ASIC4: variants seen among roughly 807,000 people sequenced by gnomAD.
ASIC4 encodes the protein acid-sensing ion channel 4.
A neutral mutation model predicts 53.4 loss-of-function variants in ASIC4; 28 were observed. The observed-to-expected ratio is 0.52, with a 90% CI of 0.39 to 0.72. The LOEUF (loss-of-function observed/expected upper bound fraction) is 0.72, where lower values mean the gene tolerates loss of function less well. Among genes scored for constraint, ASIC4 ranks in the 30% least tolerant of loss-of-function variants. The pLI, the probability that ASIC4 is intolerant of heterozygous loss-of-function variation, is 0.00. For synonymous variants in ASIC4, 289 were observed against 301.4 expected, an observed-to-expected ratio of 0.96 and a Z score of 0.43; for missense variants, 649 against 729.7, an observed-to-expected ratio of 0.89 and a Z score of 1.27.
At position 219,530,407 on chromosome 2, in the gene ASIC4, G is replaced by A. The variant is rs73993404; in HGVS notation, c.583-1351G>A. On this transcript the variant is annotated intron_variant, in intron 1 of 9. Coordinates refer to ENST00000358078, the MANE Select transcript of ASIC4 (RefSeq NM_018674.6). ...GGAAAAGGGAGCCGGGCTTCTGTGC[G>A]GCAGAGACTGCTCATTCAAGTGTCC... 7.7e-3 allele frequency among the ~76,000 whole-genome samples: 1,176 copies of A among 152,400 alleles called. 16 individuals carry two copies. Among genetic ancestry groups the A allele is most frequent in the African/African-American group, 0.027 (1,113 of 41,590 alleles).
chr2:219,527,813 G>T (rs1694982802), intron 1 of ASIC4, among the ~76,000 whole-genome samples: 1 of 152,260 alleles, frequency 6.6e-6, no homozygotes, highest in Admixed American at 6.5e-5. Flanking sequence ...CGGGATGTTT[G>T]ATAGTGTTTG....
the ASIC4 span, among the ~76,000 whole-genome samples, chr2:219,507,905 A>T: frequency 6.6e-6 from 1 of 152,114 alleles, no homozygotes; most frequent in African/African-American, 2.4e-5. Context: ...TCATAGCTTC[A>T]TAGCCTGGCA....
In ASIC4 at chr2:219,514,482, G is replaced by A. The variant is rs373539816; in HGVS notation, c.-243G>A. On this transcript the variant is annotated 5_prime_UTR_variant, in exon 1 of 10. Transcript: ENST00000358078. ...TAAGGGAAGCCACAAGGAGACGATC[G>A]AGGAGAGAGACAAGCGGCAGCAGAG... 9 of 1,550,586 alleles carry A rather than the reference G, an allele frequency of 5.8e-6. No homozygotes were observed. The highest frequency in any genetic ancestry group is 1.9e-4 in the Middle Eastern group (1 of 5,298).
At chr2:219,535,854 C>A (rs892446276) in intron 6 of ASIC4, among the ~76,000 whole-genome samples, 1 of 149,940 alleles carries the variant, frequency 6.7e-6, no homozygotes, top group Non-Finnish European at 1.5e-5. Context: ...CTCACTGCAA[C>A]CTCGACCTCC....
At chr2:219,522,955 G>A (rs1341713472) in intron 1 of ASIC4, among the ~76,000 whole-genome samples, 3 of 152,148 alleles carry the variant, frequency 2.0e-5, no homozygotes, top group Non-Finnish European at 2.9e-5. Flanking sequence ...AGGGCGGCGA[G>A]GCGCGCGAGC....
In ASIC4 at chr2:219,535,302, A is replaced by C. The variant is rs1366810686; in HGVS notation, c.1207A>C (p.Asn403His). 6.2e-7 allele frequency: 1 copy of C among 1,606,490 alleles called. No homozygotes were observed. Among genetic ancestry groups the C allele is most frequent in the South Asian group, 1.1e-5 (1 of 90,846 alleles). The change falls in exon 6 of 10, where the codon AAC (asparagine) becomes CAC (histidine). Residue 403 changes from asparagine (N) to histidine (H), a missense_variant. By Grantham distance (68) the Asn-to-His change is moderately conservative (BLOSUM62 1). Coordinates refer to ENST00000358078, the MANE Select transcript of ASIC4 (RefSeq NM_018674.6). ...GSARYLARKY[N>H]RNETYIRENF... The stretch of plus-strand genomic sequence containing the variant: ...AGCCCGGTACCTGGCGAGGAAGTAC[A>C]ACCGCAACGAGACCTACATACGGTA...
At chr2:219,524,745 A>G (rs927822959) in intron 1 of ASIC4, among the ~76,000 whole-genome samples, 4 of 152,170 alleles carry the variant, frequency 2.6e-5, no homozygotes, top group Admixed American at 2.6e-4. Context: ...CTGGTAGGAG[A>G]GCCATATCTC....
At chr2:219,509,602 T>C (rs965572234), upstream of ASIC4, among the ~76,000 whole-genome samples, 5 of 151,920 alleles carry the variant, frequency 3.3e-5, no homozygotes, top group African/African-American at 1.2e-4. This position sits in a 1 kb window ranked among gnomAD's most constrained non-coding sequence, Gnocchi z 5.2. Context: ...TGGGCTCTGG[T>C]GTGGAGGGAG....
rs1337126272 is a variant in ASIC4 at position 219,532,881 on chromosome 2, A to G, written c.1019-2A>G. 3 of 1,612,102 alleles carry G rather than the reference A, an allele frequency of 1.9e-6. No individual in the cohort carries two copies. The African/African-American group carries it at 4.0e-5, about 22-fold the overall frequency. The stretch of plus-strand genomic sequence containing the variant: ...TCCAGGAATAATCTTCTCTCCTTTC[A>G]GGCAATGAGACCATCTGCCCACCAA... On this transcript the variant is annotated splice_acceptor_variant, in intron 4 of 9. Coordinates refer to ENST00000358078, the MANE Select transcript of ASIC4 (RefSeq NM_018674.6). LOFTEE classifies it high-confidence loss of function.
upstream of ASIC4, chr2:219,514,201 T>C (rs1312187045): frequency 2.9e-6 from 3 of 1,044,028 alleles, no homozygotes; most frequent in Admixed American, 3.0e-5. Flanking sequence ...CAGCAGGAGT[T>C]TGGGGGATAG....
chr2:219,524,367 G>A (rs1180426074), intron 1 of ASIC4, among the ~76,000 whole-genome samples: 1 of 152,206 alleles, frequency 6.6e-6, no homozygotes. Flanking sequence ...GGCTATGGGT[G>A]GACTCCAGGG....
At position 219,532,131 on chromosome 2, in the gene ASIC4, G is replaced by T; in HGVS notation, c.855+3G>T. ...TTGTGTCCTGCCAGGAACAGCGGGT[G>T]AGCATCTCCTGCTAGGCCCTGGATT... On this transcript the variant is annotated splice_donor_region_variant and intron_variant, in intron 3 of 9. Transcript: ENST00000358078. The T allele has an allele frequency of 6.2e-7, 1 of 1,614,124 alleles. No homozygotes were observed. Among genetic ancestry groups the T allele is most frequent in the Non-Finnish European group, 8.5e-7 (1 of 1,180,022 alleles).
chr2:219,508,045 G>A, the ASIC4 span, among the ~76,000 whole-genome samples: 1 of 152,188 alleles, frequency 6.6e-6, no homozygotes, highest in Non-Finnish European at 1.5e-5. Flanking sequence ...ACACAGTGTG[G>A]GGTTTAGCAG....
Position 219,514,842 on chromosome 2 carries a change from C to T in ASIC4, c.118C>T (p.Arg40Ter), listed in dbSNP as rs1216109042. The change falls in exon 1 of 10, where the codon CGA (arginine) becomes TGA (stop). Residue 40 changes from arginine to a stop codon, truncating the protein, a stop_gained. Transcript: ENST00000358078. LOFTEE classifies it high-confidence loss of function. ...LGAVAPGAAP[R>*]DLATFASTST... ...GGCTGTTGCCCCTGGAGCAGCCCCC[C>T]GAGACCTGGCCACCTTTGCCAGCAC... 3.7e-6 allele frequency: 6 copies of T among 1,613,004 alleles called. No individual in the cohort carries two copies. The highest frequency in any genetic ancestry group is 3.4e-6 in the Non-Finnish European group (4 of 1,179,938).
chr2:219,529,290 C>A (rs1249956326), intron 1 of ASIC4, among the ~76,000 whole-genome samples: 1 of 152,162 alleles, frequency 6.6e-6, no homozygotes, highest in Non-Finnish European at 1.5e-5. Flanking sequence ...CAGATGGATA[C>A]ATAGCAGGGA....
intron 4 of ASIC4, 83 bp from the exon 5 acceptor site, chr2:219,532,800 A>G (rs1391010685): frequency 1.6e-6 from 2 of 1,274,414 alleles, no homozygotes; most frequent in African/African-American, 2.9e-5. Flanking sequence ...ATGTGTGTGC[A>G]TGCATGTATG....
rs11689270 is a variant in ASIC4 at position 219,537,902 on chromosome 2, G to T, written c.1507-31G>T. The T allele has an allele frequency of 0.76, 1,187,354 of 1,557,956 alleles. 454,496 individuals carry two copies. Among genetic ancestry groups the T allele is most frequent in the South Asian group, 0.83 (71,029 of 85,130 alleles). ...CTGGGGGCACCACTTGAGCTCTCCC[G>T]GTCCCACTCTCTCTTTTCTTTCTCC... On this transcript the variant is annotated intron_variant, in intron 9 of 9. Coordinates refer to ENST00000358078, the MANE Select transcript of ASIC4 (RefSeq NM_018674.6). The surrounding 1 kb of genome is among the most constrained non-coding windows in gnomAD (Gnocchi z 4.9).
chr2:219,508,196 G>A, the ASIC4 span, among the ~76,000 whole-genome samples: 1 of 152,188 alleles, frequency 6.6e-6, no homozygotes, highest in African/African-American at 2.4e-5. Flanking sequence ...CAAGGAAGGG[G>A]CTGGGAGAGG....
Position 219,537,330 on chromosome 2 carries a change from C to T in ASIC4, c.1401+9C>T. ...TCGACTACATCTATGAGGCAAGGGCCCTGGAGAAGGCAGGGTGGGAGTGGG... is the reference window on the plus strand; with the variant it reads ...TCGACTACATCTATGAGGCAAGGGCTCTGGAGAAGGCAGGGTGGGAGTGGG... On this transcript the variant is annotated intron_variant, in intron 8 of 9. Coordinates refer to ENST00000358078, the MANE Select transcript of ASIC4 (RefSeq NM_018674.6). The surrounding 1 kb of genome is among the most constrained non-coding windows in gnomAD (Gnocchi z 4.9). The T allele has an allele frequency of 6.2e-7, 1 of 1,610,690 alleles. No individual in the cohort carries two copies. The highest frequency in any genetic ancestry group is 2.2e-5 in the East Asian group (1 of 44,750).
Sources: gnomAD v4.1 joint callset for allele counts (sites outside exome capture counted in the v4.1 genomes callset) on GRCh38, gnomAD v4.1.1 for gene constraint, Gnocchi (gnomAD v3.1) non-coding constraint, MANE v1.5 for transcripts, NCBI Gene and HGNC (gene_info 2026-07-23, HGNC 2026-07-21) for gene names.